TMEM207: variants seen among roughly 807,000 people sequenced by gnomAD.
TMEM207 encodes SRSR846.
A neutral mutation model predicts 17.4 loss-of-function variants in TMEM207; 15 were observed. The observed-to-expected ratio is 0.86, with a 90% CI of 0.58 to 1.33. TMEM207 has a LOEUF of 1.33. Among genes scored for constraint, TMEM207 ranks in the 40% most tolerant of loss-of-function variants. TMEM207 has a pLI of 0.00. For synonymous variants in TMEM207, 70 were observed against 65.6 expected (o/e 1.07, Z -0.33); for missense variants, 205 against 173.8 (o/e 1.18, Z -1.01).
chr3:190,447,317 A>C (rs1157166412), intron 2 of TMEM207, among the ~76,000 whole-genome samples: 1 of 152,164 alleles, frequency 6.6e-6, no homozygotes, highest in African/African-American at 2.4e-5. Flanking sequence ...AAAAGTGAAA[A>C]AATTGAGTCA....
At chr3:190,442,852 G>A (rs1365275959) in intron 2 of TMEM207, among the ~76,000 whole-genome samples, 2 of 152,078 alleles carry the variant, frequency 1.3e-5, no homozygotes, top group Non-Finnish European at 2.9e-5. Context: ...ATAGTATAGA[G>A]ACTTCAATCT....
At chr3:190,438,276 C>G (rs1386935303) in intron 4 of TMEM207, among the ~76,000 whole-genome samples, 1 of 151,312 alleles carries the variant, frequency 6.6e-6, no homozygotes, top group South Asian at 2.1e-4. Flanking sequence ...CAATTTATCC[C>G]CAAGGTTGTT....
At chr3:190,431,770 T>A (rs61661693) in intron 4 of TMEM207, among the ~76,000 whole-genome samples, 30,424 of 152,072 alleles carry the variant, frequency 0.2, 3,242 homozygotes, top group Middle Eastern at 0.28. Context: ...CCAATTTATT[T>A]GTACGATTGC....
At chr3:190,431,502 C>T (rs1221888273) in intron 4 of TMEM207, among the ~76,000 whole-genome samples, 2 of 151,890 alleles carry the variant, frequency 1.3e-5, no homozygotes, top group Admixed American at 6.6e-5. Context: ...TGAAAAGTAT[C>T]ATGGAGTTAG....
In TMEM207 at chr3:190,435,816, C is replaced by A. The variant is rs571406278; in HGVS notation, c.304+4428G>T. Reference sequence around the variant, plus strand: ...TTTGGGTGAGAACCCACGGACCTCTCCCAGACAGGAAATTCCACCAGACAT... The same window carrying A: ...TTTGGGTGAGAACCCACGGACCTCTACCAGACAGGAAATTCCACCAGACAT... On this transcript the variant is annotated intron_variant, in intron 4 of 4. Coordinates refer to ENST00000354905, the MANE Select transcript of TMEM207 (RefSeq NM_207316.3). Among the ~76,000 whole-genome samples the A allele has an allele frequency of 3.3e-5, 5 of 152,332 alleles. No individual in the cohort carries two copies. The East Asian group carries it at 9.6e-4, about 29-fold the overall frequency.
chr3:190,429,514 A>G lies in TMEM207; in HGVS notation c.*81T>C. 1 of 1,549,922 alleles carries G rather than the reference A, an allele frequency of 6.5e-7. No homozygotes were observed. The highest frequency in any genetic ancestry group is 8.8e-7 in the Non-Finnish European group (1 of 1,131,406). The stretch of plus-strand genomic sequence containing the variant: ...AATAGATCTCTGGACATTTCCAACA[A>G]CTGAAATAACTATTCCTAAATTTGA... On this transcript the variant is annotated 3_prime_UTR_variant, in exon 5 of 5. Transcript: ENST00000354905.
intron 1 of TMEM207, 65 bp downstream of exon 1, chr3:190,449,670 A>T: frequency 6.8e-7 from 1 of 1,469,082 alleles, no homozygotes; most frequent in Non-Finnish European, 9.5e-7. Flanking sequence ...ATCTATAGCA[A>T]ATCAAGTCCT....
intron 2 of TMEM207, among the ~76,000 whole-genome samples, chr3:190,442,405 CAGTT>C (rs1343313444): frequency 6.6e-6 from 1 of 152,178 alleles, no homozygotes; most frequent in African/African-American, 2.4e-5. Context: ...TCATAAATGT[CAGTT>C]AATTTATTGC....
chr3:190,449,675 A>G, intron 1 of TMEM207, 60 bp downstream of exon 1: 3 of 1,489,050 alleles, frequency 2.0e-6, no homozygotes, highest in Non-Finnish European at 2.8e-6. Context: ...TAGCAAATCA[A>G]GTCCTCAGAG....
At chr3:190,435,824 G>A (rs1719792680) in intron 4 of TMEM207, among the ~76,000 whole-genome samples, 1 of 152,224 alleles carries the variant, frequency 6.6e-6, no homozygotes, top group Admixed American at 6.5e-5. Flanking sequence ...CTCCCAGACA[G>A]GAAATTCCAC....
chr3:190,436,951 T>C (rs2378570), intron 4 of TMEM207, among the ~76,000 whole-genome samples: 127,784 of 152,194 alleles, frequency 0.84, 54,288 homozygotes, highest in African/African-American at 0.96. Flanking sequence ...TCCTGAGCAT[T>C]CCTGGGACAA....
intron 4 of TMEM207, among the ~76,000 whole-genome samples, chr3:190,439,176 C>CAAAA (rs772313119): frequency 4.1e-4 from 24 of 58,574 alleles, no homozygotes; most frequent in Middle Eastern, 0.02. Flanking sequence ...GACTCCGTCT[C>CAAAA]AAAAAAAAAA....
At position 190,429,510 on chromosome 3, in the gene TMEM207, A is replaced by G. The variant is rs1032262801; in HGVS notation, c.*85T>C. On this transcript the variant is annotated 3_prime_UTR_variant, in exon 5 of 5. Coordinates refer to ENST00000354905, the MANE Select transcript of TMEM207 (RefSeq NM_207316.3). ...TATGAATAGATCTCTGGACATTTCC[A>G]ACAACTGAAATAACTATTCCTAAAT... The G allele has an allele frequency of 4.5e-6, 7 of 1,544,816 alleles. No individual in the cohort carries two copies. In the African/African-American group the frequency reaches 9.6e-5, roughly 21 times the overall value.
chr3:190,436,135 G>C (rs1016541000), intron 4 of TMEM207, among the ~76,000 whole-genome samples: 10 of 152,164 alleles, frequency 6.6e-5, no homozygotes, highest in African/African-American at 2.4e-4. Flanking sequence ...GAAGAGCCGA[G>C]CTATTTCAAT....
intron 2 of TMEM207, among the ~76,000 whole-genome samples, chr3:190,444,120 T>C (rs1161285846): frequency 2.0e-5 from 3 of 152,222 alleles, no homozygotes; most frequent in Non-Finnish European, 2.9e-5. Flanking sequence ...GCAGAGTTGC[T>C]TCATTGGTTT....
At chr3:190,430,968 A>C (rs996284891) in intron 4 of TMEM207, among the ~76,000 whole-genome samples, 2 of 152,178 alleles carry the variant, frequency 1.3e-5, no homozygotes, top group African/African-American at 4.8e-5. Context: ...ACTAGGATCC[A>C]TACGGAGATT....
intron 4 of TMEM207, among the ~76,000 whole-genome samples, chr3:190,432,179 A>G (rs1719705329): frequency 6.6e-6 from 1 of 152,198 alleles, no homozygotes; most frequent in Non-Finnish European, 1.5e-5. Flanking sequence ...CTTAGTTTTT[A>G]TAGCCAGAGT....
intron 2 of TMEM207, among the ~76,000 whole-genome samples, chr3:190,443,589 A>AG: frequency 6.6e-6 from 1 of 151,776 alleles, no homozygotes; most frequent in Non-Finnish European, 1.5e-5. Flanking sequence ...AGAGAGGAAG[A>AG]GGGGAATTCA....
chr3:190,441,425 A>C lies in TMEM207; in HGVS notation c.158+13T>G, dbSNP rs1359202005. On this transcript the variant is annotated intron_variant, in intron 3 of 4. Transcript: ENST00000354905. ...ACCAACTGTCATATAAAACAAATGG[A>C]AGATATCCTTACCAGATATACCAGC... 6.3e-7 allele frequency: 1 copy of C among 1,599,764 alleles called. No homozygotes were observed.
Sources: allele counts gnomAD v4.1 joint callset (sites outside exome capture counted in the v4.1 genomes callset), GRCh38; gene constraint gnomAD v4.1.1; transcripts MANE v1.5; gene names NCBI Gene and HGNC (gene_info 2026-07-23, HGNC 2026-07-21).